Variants in RCL1 observed in about 807,000 individuals in gnomAD.
The protein encoded by RCL1 is RNA 3'-terminal phosphate cyclase-like protein.
In RCL1, 24 loss-of-function variants were observed where a neutral mutation model predicts 42.4. That is an observed-to-expected ratio of 0.57 (90% CI 0.41 to 0.80). The LOEUF is 0.80. Ranked by LOEUF, RCL1 falls within the 30% of genes least tolerant of loss-of-function variation. RCL1 has a pLI of 0.00. For missense variants in RCL1, 578 were observed against 467.9 expected (o/e 1.24, Z -2.17); for synonymous variants, 228 against 177.3 (o/e 1.29, Z -2.27).
intron 1 of RCL1, among the ~76,000 whole-genome samples, chr9:4,818,165 C>G (rs896735113): frequency 6.6e-6 from 1 of 151,978 alleles, no homozygotes; most frequent in Non-Finnish European, 1.5e-5. Flanking sequence ...AGGTGATCCA[C>G]CCGCCTCGGC....
intron 7 of RCL1, among the ~76,000 whole-genome samples, chr9:4,846,696 A>G (rs534466658): frequency 2.6e-5 from 4 of 152,238 alleles, no homozygotes; most frequent in African/African-American, 9.6e-5. Flanking sequence ...CTATGGGGAC[A>G]CTTCCATGTC....
At chr9:4,845,113 C>T (rs1033127609) in intron 7 of RCL1, among the ~76,000 whole-genome samples, 44 of 152,140 alleles carry the variant, frequency 2.9e-4, no homozygotes, top group African/African-American at 8.5e-4. Context: ...TTGTATGTGA[C>T]AGTTGATTCA....
chr9:4,818,592 T>C (rs2130992491), intron 1 of RCL1, among the ~76,000 whole-genome samples: 1 of 152,236 alleles, frequency 6.6e-6, no homozygotes, highest in East Asian at 1.9e-4. Context: ...GCTAAAGAAA[T>C]TGAAATCCGG....
At chr9:4,850,170 A>G (rs1587731960) in intron 8 of RCL1, 1 of 392,458 alleles carries the variant, frequency 2.5e-6, no homozygotes, top group East Asian at 5.9e-5. Flanking sequence ...TGCGGAAAAC[A>G]GCCTATTTGA....
intron 2 of RCL1, among the ~76,000 whole-genome samples, chr9:4,824,966 C>T (rs1485582285): frequency 6.6e-6 from 1 of 152,138 alleles, no homozygotes; most frequent in African/African-American, 2.4e-5. Context: ...GGCTGGAGTG[C>T]AGTGGTGCGA....
At chr9:4,799,266 G>A (rs886325774) in intron 1 of RCL1, among the ~76,000 whole-genome samples, 2 of 151,908 alleles carry the variant, frequency 1.3e-5, no homozygotes, top group Non-Finnish European at 2.9e-5. Flanking sequence ...GAGCCACAGT[G>A]CCTGGCCGTA....
chr9:4,816,935 G>T (rs1474932582), intron 1 of RCL1, among the ~76,000 whole-genome samples: 1 of 152,146 alleles, frequency 6.6e-6, no homozygotes, highest in Non-Finnish European at 1.5e-5. Flanking sequence ...TCCTGCCTCA[G>T]CCTCCCAGGT....
Position 4,849,502 on chromosome 9 carries a change from G to C in RCL1, c.923G>C (p.Gly308Ala), listed in dbSNP as rs1817644007. ...CTGGCGCTACTACTCATGACCCTTG[G>C]ACAGCAGGATGTTTCCAAAGTCCTG... is the stretch of plus-strand genomic sequence containing the variant. ...QSLALLLMTL[G>A]QQDVSKVLLG... Residue 308 changes from glycine to alanine, a missense_variant, in exon 8 of 9, where the codon GGA becomes GCA. Coordinates refer to ENST00000381750, the MANE Select transcript of RCL1 (RefSeq NM_005772.5). 5 of 1,613,382 alleles carry C rather than the reference G, an allele frequency of 3.1e-6. No individual in the cohort carries two copies. Among genetic ancestry groups the C allele is most frequent in the Non-Finnish European group, 4.2e-6 (5 of 1,179,844 alleles).
intron 5 of RCL1, 141 bp downstream of exon 5, chr9:4,834,406 T>TA: frequency 1.1e-6 from 1 of 876,174 alleles, no homozygotes; most frequent in Non-Finnish European, 1.6e-6. Context: ...AGTGAAATTG[T>TA]AATTGCTGGC....
chr9:4,808,424 C>T (rs981911657), intron 1 of RCL1, among the ~76,000 whole-genome samples: 3 of 152,156 alleles, frequency 2.0e-5, no homozygotes, highest in African/African-American at 7.2e-5. Context: ...CCTCCTATTT[C>T]AGCCTCCCAA....
intron 1 of RCL1, among the ~76,000 whole-genome samples, chr9:4,798,359 G>A (rs1217066586): frequency 1.3e-5 from 2 of 152,206 alleles, no homozygotes; most frequent in Non-Finnish European, 2.9e-5. Context: ...ACTTGAACAA[G>A]AGCAGTGACA....
chr9:4,815,988 G>A (rs1317084065), intron 1 of RCL1, among the ~76,000 whole-genome samples: 2 of 151,988 alleles, frequency 1.3e-5, no homozygotes, highest in African/African-American at 2.4e-5. Flanking sequence ...TGGTCATCTC[G>A]AGTTTCTTTT....
At chr9:4,859,619 T>C (rs948033741) in intron 8 of RCL1, among the ~76,000 whole-genome samples, 2 of 152,154 alleles carry the variant, frequency 1.3e-5, no homozygotes, top group Non-Finnish European at 1.5e-5. Flanking sequence ...TTGAATGTCA[T>C]GGTGCTGTGA....
chr9:4,819,667 C>G (rs753327915), intron 1 of RCL1, among the ~76,000 whole-genome samples: 71 of 152,202 alleles, frequency 4.7e-4, no homozygotes, highest in Middle Eastern at 3.4e-3. Flanking sequence ...ATTAGCTGGG[C>G]GTGGTGGCAC....
chr9:4,817,092 C>G (rs1034906776), intron 1 of RCL1, among the ~76,000 whole-genome samples: 3 of 152,186 alleles, frequency 2.0e-5, no homozygotes, highest in Non-Finnish European at 2.9e-5. Flanking sequence ...GCTGGGATTA[C>G]AGGCGTGAGC....
chr9:4,817,982 G>A (rs933149562), intron 1 of RCL1, among the ~76,000 whole-genome samples: 7 of 140,226 alleles, frequency 5.0e-5, no homozygotes, highest in African/African-American at 1.6e-4. Context: ...GTGTAGTGGT[G>A]CAATCTCGTC....
rs199563131 is a variant in RCL1, at chr9:4,841,262, G to A, written c.615G>A (p.Ala205=). 1.1e-5 allele frequency: 18 copies of A among 1,613,650 alleles called. No individual in the cohort carries two copies. Among genetic ancestry groups the A allele is most frequent in the Non-Finnish European group, 1.4e-5 (16 of 1,179,618 alleles). ...AYSVRVSPQM[A]NRIVDSARSI... The stretch of plus-strand genomic sequence containing the variant: ...CTGTACGTGTGTCACCTCAGATGGC[G>A]AACCGGATTGTGGATTCTGCAAGGA... The change falls in exon 6 of 9, where the codon GCG becomes GCA. Residue 205 remains alanine (A), a synonymous_variant. Transcript: ENST00000381750.
chr9:4,822,642 A>G (rs1317240822), intron 1 of RCL1, among the ~76,000 whole-genome samples: 4 of 151,784 alleles, frequency 2.6e-5, no homozygotes, highest in African/African-American at 9.7e-5. Context: ...ATATAACGAG[A>G]CCCTATCTCT....
At chr9:4,831,844 G>GAGTT (rs1265787394) in intron 3 of RCL1, among the ~76,000 whole-genome samples, 1 of 152,208 alleles carries the variant, frequency 6.6e-6, no homozygotes, top group Non-Finnish European at 1.5e-5. Flanking sequence ...TAGCCTGTTA[G>GAGTT]AGTTAGTTGT....
Sources: allele counts gnomAD v4.1 joint callset (sites outside exome capture counted in the v4.1 genomes callset), GRCh38; gene constraint gnomAD v4.1.1; transcripts MANE v1.5; gene names NCBI Gene and HGNC (gene_info 2026-07-23, HGNC 2026-07-21).